HMGCLL1: variants seen among roughly 807,000 people sequenced by gnomAD.
HMGCLL1 encodes 3-hydroxy-3-methylglutaryl-CoA lyase like 1.
Under a neutral mutation model 39.1 loss-of-function variants are expected in HMGCLL1, and 36 were observed. The observed-to-expected ratio is 0.92, with a 90% confidence interval of 0.71 to 1.22. The LOEUF (loss-of-function observed/expected upper bound fraction) is 1.22, where lower values mean the gene tolerates loss of function less well. Among genes scored for constraint, HMGCLL1 ranks in the 50% most tolerant of loss-of-function variants. HMGCLL1 has a pLI of 0.00. For missense variants in HMGCLL1, 451 were observed against 416.5 expected, an observed-to-expected ratio of 1.08 and a Z score of -0.72; for synonymous variants, 149 against 144.0, an observed-to-expected ratio of 1.03 and a Z score of -0.25.
At chr6:55,457,042 C>T (rs150869057) in intron 7 of HMGCLL1, among the ~76,000 whole-genome samples, 234 of 152,186 alleles carry the variant, frequency 1.5e-3, no homozygotes, top group African/African-American at 5.2e-3. Context: ...CTTTTTTGTC[C>T]GATGTTCAGT....
chr6:55,603,834 C>T, the HMGCLL1 span, among the ~76,000 whole-genome samples: 1 of 152,064 alleles, frequency 6.6e-6, no homozygotes. Flanking sequence ...TAGATTTCTG[C>T]CACAAGAATG....
chr6:55,621,420 A>G, the HMGCLL1 span, among the ~76,000 whole-genome samples: 1 of 151,972 alleles, frequency 6.6e-6, no homozygotes, highest in Non-Finnish European at 1.5e-5. Flanking sequence ...ATTCATCTGT[A>G]TTTATAGCTG....
intron 1 of HMGCLL1, among the ~76,000 whole-genome samples, chr6:55,559,707 C>T (rs894290355): frequency 6.6e-6 from 1 of 152,100 alleles, no homozygotes; most frequent in Non-Finnish European, 1.5e-5. Context: ...AAATCTAATT[C>T]TTCGATGTGC....
chr6:55,585,860 TG>T, the HMGCLL1 span, among the ~76,000 whole-genome samples: 1 of 152,118 alleles, frequency 6.6e-6, no homozygotes, highest in African/African-American at 2.4e-5. Flanking sequence ...TATGCCTTCT[TG>T]GCTTTAAATA....
chr6:55,578,858 A>G, intron 1 of HMGCLL1, 90 bp downstream of exon 1: 1 of 912,528 alleles, frequency 1.1e-6, no homozygotes, highest in Non-Finnish European at 1.8e-6. Context: ...GGTGACATAA[A>G]GGGAGGAGGG....
intron 3 of HMGCLL1, among the ~76,000 whole-genome samples, chr6:55,525,012 C>T (rs1768242418): frequency 6.6e-6 from 1 of 150,528 alleles, no homozygotes; most frequent in African/African-American, 2.4e-5. Flanking sequence ...TATAGAAGTA[C>T]AAAAAATGAT....
the HMGCLL1 span, among the ~76,000 whole-genome samples, chr6:55,641,988 A>G: frequency 7.1e-6 from 1 of 141,600 alleles, no homozygotes; most frequent in South Asian, 2.2e-4. Context: ...TACATGTGCC[A>G]TGCTGGTGCA....
chr6:55,461,847 T>G (rs961374876), intron 7 of HMGCLL1, among the ~76,000 whole-genome samples: 2 of 152,188 alleles, frequency 1.3e-5, no homozygotes, highest in Non-Finnish European at 2.9e-5. Flanking sequence ...TGTGAAGAAC[T>G]ACTCAATAGC....
At chr6:55,590,065 A>G in the HMGCLL1 span, among the ~76,000 whole-genome samples, 1 of 152,144 alleles carries the variant, frequency 6.6e-6, no homozygotes, top group South Asian at 2.1e-4. Context: ...TAAAGTTCAT[A>G]TGGAACCAAA....
intron 3 of HMGCLL1, among the ~76,000 whole-genome samples, chr6:55,521,814 T>C (rs1009849549): frequency 3.3e-5 from 5 of 152,160 alleles, no homozygotes; most frequent in African/African-American, 1.2e-4. Context: ...AAAGGAAGAC[T>C]CACATATCTC....
the HMGCLL1 span, among the ~76,000 whole-genome samples, chr6:55,617,412 G>T: frequency 6.6e-6 from 1 of 152,080 alleles, no homozygotes; most frequent in African/African-American, 2.4e-5. Context: ...CTGTGAAGAG[G>T]TTGGGAACCA....
chr6:55,580,982 CA>C (rs1193174252), upstream of HMGCLL1, among the ~76,000 whole-genome samples: 1 of 152,102 alleles, frequency 6.6e-6, no homozygotes, highest in Non-Finnish European at 1.5e-5. Flanking sequence ...AATTCTGCAA[CA>C]GGGAACATGA....
the HMGCLL1 span, among the ~76,000 whole-genome samples, chr6:55,639,012 G>T: frequency 1.2e-4 from 19 of 152,004 alleles, no homozygotes; most frequent in Admixed American, 1.2e-3. Flanking sequence ...CAGATAAACA[G>T]ACTAATTATT....
At chr6:55,540,184 G>T (rs1769343810) in intron 3 of HMGCLL1, among the ~76,000 whole-genome samples, 1 of 152,046 alleles carries the variant, frequency 6.6e-6, no homozygotes, top group Admixed American at 6.6e-5. Context: ...AGGGACTACT[G>T]TAATGATTAT....
At chr6:55,530,068 G>T (rs1238203201) in intron 3 of HMGCLL1, among the ~76,000 whole-genome samples, 1 of 85,104 alleles carries the variant, frequency 1.2e-5, no homozygotes. Flanking sequence ...GGATCTGGTG[G>T]GGGGTTGGGG....
the HMGCLL1 span, among the ~76,000 whole-genome samples, chr6:55,620,350 G>A: frequency 6.6e-6 from 1 of 152,150 alleles, no homozygotes; most frequent in Non-Finnish European, 1.5e-5. Flanking sequence ...ATATTTGCCA[G>A]CATTTATTAT....
chr6:55,617,248 A>G, the HMGCLL1 span, among the ~76,000 whole-genome samples: 1 of 152,208 alleles, frequency 6.6e-6, no homozygotes, highest in East Asian at 1.9e-4. Context: ...CTGCACCTGG[A>G]CATATCTTTG....
chr6:55,564,814 C>A (rs1771134220), intron 1 of HMGCLL1, among the ~76,000 whole-genome samples: 10 of 139,236 alleles, frequency 7.2e-5, no homozygotes, highest in African/African-American at 8.0e-5. Context: ...ATGTACAGAA[C>A]AAAAGGAGAA....
chr6:55,445,516 G>C (rs1246077391), intron 7 of HMGCLL1, among the ~76,000 whole-genome samples: 2 of 151,946 alleles, frequency 1.3e-5, no homozygotes, highest in Non-Finnish European at 2.9e-5. Context: ...TTGTGTGTTT[G>C]AAAATAATAG....
Sources: allele counts gnomAD v4.1 joint callset (sites outside exome capture counted in the v4.1 genomes callset), GRCh38; gene constraint gnomAD v4.1.1; transcripts MANE v1.5; gene names NCBI Gene and HGNC (gene_info 2026-07-23, HGNC 2026-07-21).